The following MTERF2 variants were observed in gnomAD, a reference collection of about 807,000 sequenced individuals.
MTERF2 encodes the protein mitochondrial transcription termination factor 2.
Under a neutral mutation model 29.2 loss-of-function variants are expected in MTERF2, and 23 were observed. The observed-to-expected ratio is 0.79, with a 90% CI of 0.57 to 1.12. MTERF2 has a LOEUF of 1.12. Ranked by LOEUF, MTERF2 falls within the 50% of genes most tolerant of loss-of-function variation. The pLI is 0.00. For missense variants in MTERF2, 440 were observed against 429.4 expected (o/e 1.02, Z -0.22); for synonymous variants, 157 against 159.5 (o/e 0.98, Z 0.12).
At chr12:106,980,611 G>GT (rs1385377657) in intron 2 of MTERF2, 1 of 152,068 alleles carries the variant, frequency 6.6e-6, no homozygotes, top group Non-Finnish European at 1.5e-5. Flanking sequence ...AATACATCTG[G>GT]TTTTAGTACC....
rs1420271130 is a variant in MTERF2, at chr12:106,980,147, C to T, written c.-57-1376G>A. On this transcript the variant is annotated intron_variant, in intron 2 of 2. Transcript: ENST00000240050. ...TCTTGACCTCGTGATCTGCCCGTCTCGGCCTCCCAAAGTGCTGGGATTGTA... is the reference window on the plus strand; with the variant it reads ...TCTTGACCTCGTGATCTGCCCGTCTTGGCCTCCCAAAGTGCTGGGATTGTA... Among the ~76,000 whole-genome samples the T allele has an allele frequency of 3.3e-5, 5 of 152,256 alleles. No homozygotes were observed. The East Asian group carries it at 9.7e-4, about 29-fold the overall frequency.
In MTERF2 at chr12:106,978,213, T is replaced by A. The variant is rs768252720; in HGVS notation, c.502A>T (p.Arg168Ter). 2 of 1,613,736 alleles carry A rather than the reference T, an allele frequency of 1.2e-6. No individual in the cohort carries two copies. Among genetic ancestry groups the A allele is most frequent in the Middle Eastern group, 1.7e-4 (1 of 6,060 alleles). Reference sequence around the variant, plus strand: ...ACATTAGGTGCAGCTGTCAAAAGTCTGCTAATGACCACATTTTTTAGTCCC... The same window carrying A: ...ACATTAGGTGCAGCTGTCAAAAGTCAGCTAATGACCACATTTTTTAGTCCC... ...ELGLKNVVIS[R>*]LLTAAPNVFH... The change falls in exon 3 of 3, where the codon AGA becomes TGA. Residue 168 changes from arginine to a stop codon, truncating the protein, a stop_gained. Coordinates refer to ENST00000240050, the MANE Select transcript of MTERF2 (RefSeq NM_001033050.3). LOFTEE classifies it high-confidence loss of function.
chr12:106,982,376 G>A (rs1952062611), intron 2 of MTERF2, among the ~76,000 whole-genome samples: 2 of 152,202 alleles, frequency 1.3e-5, no homozygotes, highest in Non-Finnish European at 2.9e-5. Context: ...CACAGATGAA[G>A]TAGTTGGTTA....
At chr12:106,978,807 G>A in intron 2 of MTERF2, 36 bp from the exon 3 acceptor site, 2 of 1,188,100 alleles carry the variant, frequency 1.7e-6, no homozygotes, top group East Asian at 5.1e-5. Flanking sequence ...TAGTATAAGG[G>A]TGTTGACTTT....
chr12:106,980,923 T>C (rs1593480285), intron 2 of MTERF2, among the ~76,000 whole-genome samples: 1 of 152,246 alleles, frequency 6.6e-6, no homozygotes, highest in Non-Finnish European at 1.5e-5. Context: ...CTAAAATAAT[T>C]GTAGGCATAG....
intron 2 of MTERF2, 69 bp downstream of exon 2, chr12:106,985,046 G>A (rs918443392): frequency 4.6e-5 from 7 of 151,856 alleles, no homozygotes; most frequent in African/African-American, 7.3e-5. Context: ...TATACTTCTC[G>A]CCACCCTCTA....
intron 1 of MTERF2, chr12:106,986,334 C>A (rs959659776): frequency 1.3e-5 from 2 of 152,020 alleles, no homozygotes; most frequent in African/African-American, 4.8e-5. Flanking sequence ...CGAGTTAATA[C>A]CATAAATCAC....
Position 106,978,770 on chromosome 12 carries a change from A to G in MTERF2, c.-56T>C, listed in dbSNP as rs758787454. 7.9e-5 allele frequency: 119 copies of G among 1,497,730 alleles called. No homozygotes were observed. In the Middle Eastern group the frequency reaches 1.1e-3, roughly 14 times the overall value. 92.8% of individuals were successfully genotyped at this position (1,497,730 alleles called of 1,614,324 possible). A position where few individuals can be genotyped will look rare whatever the true frequency, so the allele number is the denominator to read the frequency against. On this transcript the variant is annotated splice_region_variant and 5_prime_UTR_variant, in exon 3 of 3. Transcript: ENST00000240050. ...CCTGGGACTTAAATGGACTCATTCTATCTGAAAAAAAGAAAATAAAGGTTT... is the reference window on the plus strand; with the variant it reads ...CCTGGGACTTAAATGGACTCATTCTGTCTGAAAAAAAGAAAATAAAGGTTT...
rs983206948 is a variant in MTERF2, at chr12:106,978,280, G to A, written c.435C>T (p.Asp145=). ...QFPESFFTIK[D]QENQKLNVQF... ...GAACATTCAGCTTCTGGTTCTCTTGGTCTTTAATAGTAAAGAAAGATTCTG... is the reference window on the plus strand; with the variant it reads ...GAACATTCAGCTTCTGGTTCTCTTGATCTTTAATAGTAAAGAAAGATTCTG... The change falls in exon 3 of 3, where the codon GAC becomes GAT. Residue 145 remains aspartate, a synonymous_variant. Transcript: ENST00000240050. The A allele has an allele frequency of 2.5e-6, 4 of 1,613,840 alleles. No homozygotes were observed. The African/African-American group carries it at 5.3e-5, about 22-fold the overall frequency.
intron 2 of MTERF2, among the ~76,000 whole-genome samples, chr12:106,980,123 C>G (rs1028752133): frequency 1.3e-5 from 2 of 152,120 alleles, no homozygotes; most frequent in African/African-American, 4.8e-5. Flanking sequence ...GTCTCGATCT[C>G]TTGACCTCGT....
chr12:106,983,269 A>C (rs1427537555), intron 2 of MTERF2, among the ~76,000 whole-genome samples: 1 of 152,102 alleles, frequency 6.6e-6, no homozygotes, highest in Non-Finnish European at 1.5e-5. Context: ...CACTATCCCA[A>C]ACACCAACTC....
intron 2 of MTERF2, among the ~76,000 whole-genome samples, chr12:106,979,663 C>T (rs1490508894): frequency 1.3e-5 from 2 of 152,130 alleles, no homozygotes; most frequent in East Asian, 1.9e-4. Flanking sequence ...TGACTGTTCC[C>T]GTGGTGCCAT....
In MTERF2 at chr12:106,984,107, T is replaced by C. The variant is rs151072557; in HGVS notation, c.-58+1008A>G. ...AGCTTTCATTATCCAGTCACAGCTTTCATTATCCAGGGTCATTCCTGCTCC... is the reference window on the plus strand; with the variant it reads ...AGCTTTCATTATCCAGTCACAGCTTCCATTATCCAGGGTCATTCCTGCTCC... On this transcript the variant is annotated intron_variant, in intron 2 of 2. Coordinates refer to ENST00000240050, the MANE Select transcript of MTERF2 (RefSeq NM_001033050.3). Among the ~76,000 whole-genome samples the C allele has an allele frequency of 2.2e-4, 33 of 151,426 alleles. No homozygotes were observed. The East Asian group carries it at 4.6e-3, about 21-fold the overall frequency.
chr12:106,983,763 A>G (rs1204057477), intron 2 of MTERF2, among the ~76,000 whole-genome samples: 1 of 152,162 alleles, frequency 6.6e-6, no homozygotes, highest in Admixed American at 6.5e-5. Context: ...ATCATATGTT[A>G]AATGTAGCTT....
intron 1 of MTERF2, chr12:106,985,987 G>T (rs1295840626): frequency 6.6e-6 from 1 of 152,166 alleles, no homozygotes; most frequent in Non-Finnish European, 1.5e-5. Flanking sequence ...ATTTTAGCAG[G>T]ATTCATGGAC....
Position 106,977,897 on chromosome 12 carries a change from G to A in MTERF2, c.818C>T (p.Ala273Val), listed in dbSNP as rs1566230983. 2 of 1,613,916 alleles carry A rather than the reference G, an allele frequency of 1.2e-6. No homozygotes were observed. The highest frequency in any genetic ancestry group is 2.2e-5 in the East Asian group (1 of 44,860). ...CAGGTCATGATCTGTGCATTTAAAAGCATTTTTAGAGAAGGAAATACTATT... is the reference window on the plus strand; with the variant it reads ...CAGGTCATGATCTGTGCATTTAAAAACATTTTTAGAGAAGGAAATACTATT... ...IQNSISFSKN[A>V]FKCTDHDLKQ... Residue 273 changes from alanine (A) to valine (V), a missense_variant, in exon 3 of 3, where the codon GCT (alanine) becomes GTT (valine). Transcript: ENST00000240050.
intron 2 of MTERF2, among the ~76,000 whole-genome samples, chr12:106,984,807 G>A (rs1318374438): frequency 1.3e-5 from 2 of 152,126 alleles, no homozygotes; most frequent in Admixed American, 6.5e-5. Flanking sequence ...CCCCAACCAC[G>A]TGGCACTGTA....
rs1421109182 is a variant in MTERF2, at chr12:106,978,013, G to A, written c.702C>T (p.Leu234=). The A allele has an allele frequency of 6.2e-7, 1 of 1,614,022 alleles. No individual in the cohort carries two copies. Among genetic ancestry groups the A allele is most frequent in the Non-Finnish European group, 8.5e-7 (1 of 1,180,022 alleles). Residue 234 remains leucine, a synonymous_variant, in exon 3 of 3, where the codon CTC becomes CTT. Transcript: ENST00000240050. ...CAAAGCTGGTGAAACCTTGCTCCTG[G>A]AGAAATTCTAGTGTTTCCTTTATAG... ...PTAIKETLEF[L]QEQGFTSFEI... is the part of the protein sequence containing the mutation.
rs780030464 is a variant in MTERF2, at chr12:106,977,919, T to C, written c.796A>G (p.Ser266Gly). 1 of 1,614,134 alleles carries C rather than the reference T, an allele frequency of 6.2e-7. No homozygotes were observed. The highest frequency in any genetic ancestry group is 1.1e-5 in the South Asian group (1 of 91,080). Reference sequence around the variant, plus strand: ...AAAGCATTTTTAGAGAAGGAAATACTATTCTGTATACTTCTTGGGCAAAGT... The same window carrying C: ...AAAGCATTTTTAGAGAAGGAAATACCATTCTGTATACTTCTTGGGCAAAGT... ...FQLCPRSIQNSISFSKNAFKC... is the reference protein window; with the variant it reads ...FQLCPRSIQNGISFSKNAFKC... The change falls in exon 3 of 3, where the codon AGT becomes GGT. Residue 266 changes from serine (S) to glycine (G), a missense_variant. Ser to Gly is a moderately conservative substitution (Grantham distance 56). Coordinates refer to ENST00000240050, the MANE Select transcript of MTERF2 (RefSeq NM_001033050.3).
Sources: gnomAD v4.1 joint callset for allele counts (sites outside exome capture counted in the v4.1 genomes callset) on GRCh38, gnomAD v4.1.1 for gene constraint, MANE v1.5 for transcripts, NCBI Gene and HGNC (gene_info 2026-07-23, HGNC 2026-07-21) for gene names.